RNF115: variants seen among roughly 807,000 people sequenced by gnomAD.
The protein encoded by RNF115 is ring finger protein 115.
Under a neutral mutation model 39.2 loss-of-function variants are expected in RNF115, and 31 were observed. The observed-to-expected ratio is 0.79, with a 90% confidence interval of 0.59 to 1.07. RNF115 has a LOEUF of 1.07. RNF115 is among the 50% of genes least tolerant of loss of function. The pLI is 0.00. For missense variants in RNF115, 384 were observed against 381.7 expected, an observed-to-expected ratio of 1.01 and a Z score of -0.05; for synonymous variants, 124 against 131.0, an observed-to-expected ratio of 0.95 and a Z score of 0.37.
rs138792544 is a variant in RNF115, at chr1:145,801,539, A to G, written c.103-12573T>C. Among the ~76,000 whole-genome samples, 75 of 152,304 alleles carry G rather than the reference A, an allele frequency of 4.9e-4. No individual in the cohort carries two copies. The Middle Eastern group carries it at 0.014, about 28-fold the overall frequency. ...AAAGAGTGAGACTCCATGTCAAAAA[A>G]AAAGAAAGAAAGAAAGAAAATAACT... is the stretch of plus-strand genomic sequence containing the variant. On this transcript the variant is annotated intron_variant, in intron 1 of 8. Transcript: ENST00000582693.
intron 3 of RNF115, among the ~76,000 whole-genome samples, chr1:145,779,405 G>A (rs777278998): frequency 3.9e-5 from 6 of 151,998 alleles, no homozygotes; most frequent in Admixed American, 2.6e-4. Context: ...GAACTCCTGG[G>A]CTCAAACAAT....
At position 145,767,355 on chromosome 1, in the gene RNF115, C is replaced by T. The variant is rs1385320761; in HGVS notation, c.428+4356G>A. Among the ~76,000 whole-genome samples, 15 of 149,920 alleles carry T rather than the reference C, an allele frequency of 1.0e-4. No homozygotes were observed. The South Asian group carries it at 2.6e-3, about 26-fold the overall frequency. ...CTCAGACGGGGCGGCCGGGCAGAGA[C>T]GCTCCTCACATCCCAGACGGGGTGG... On this transcript the variant is annotated intron_variant, in intron 4 of 8. Transcript: ENST00000582693.
rs587607275 is a variant in RNF115 at position 145,774,809 on chromosome 1, ACTTT to A, written c.220-2894_220-2891del. Reference sequence around the variant, plus strand: ...TTTTGTCCATTTTCCTATTGAACTGACTTTCTAATTGCCTTAGTATCTTTTTTTT... The same window carrying A: ...TTTTGTCCATTTTCCTATTGAACTGACTAATTGCCTTAGTATCTTTTTTTT... On this transcript the variant is annotated intron_variant, in intron 3 of 8. Coordinates refer to ENST00000582693, the MANE Select transcript of RNF115 (RefSeq NM_014455.4). 5.5e-3 allele frequency among the ~76,000 whole-genome samples: 835 copies of A among 151,996 alleles called. 5 individuals carry two copies. Among genetic ancestry groups the A allele is most frequent in the Non-Finnish European group, 6.8e-3 (461 of 67,946 alleles).
intron 4 of RNF115, among the ~76,000 whole-genome samples, chr1:145,767,373 C>T (rs1220540424): frequency 5.5e-5 from 8 of 145,462 alleles, no homozygotes; most frequent in Admixed American, 2.0e-4. Flanking sequence ...ACATCCCAGA[C>T]GGGGTGGCAG....
chr1:145,815,181 GC>G (rs1327399849), intron 1 of RNF115, among the ~76,000 whole-genome samples: 3 of 152,302 alleles, frequency 2.0e-5, no homozygotes, highest in Non-Finnish European at 2.9e-5. Context: ...AATGATGAAT[GC>G]CTTCTCTAGC....
intron 4 of RNF115, among the ~76,000 whole-genome samples, chr1:145,769,647 C>T (rs782118107): frequency 9.9e-5 from 15 of 151,260 alleles, no homozygotes; most frequent in Non-Finnish European, 1.9e-4. Context: ...TAAACTATTT[C>T]CAAGCATAAG....
chr1:145,800,873 T>A (rs1571771535), intron 1 of RNF115, among the ~76,000 whole-genome samples: 1 of 152,270 alleles, frequency 6.6e-6, no homozygotes, highest in East Asian at 1.9e-4. Flanking sequence ...GCCCAAGGGA[T>A]GAAAAGGAGC....
At chr1:145,769,703 C>T (rs1647546271) in intron 4 of RNF115, among the ~76,000 whole-genome samples, 1 of 148,612 alleles carries the variant, frequency 6.7e-6, no homozygotes, top group African/African-American at 2.5e-5. Context: ...TAATATAATC[C>T]TGACACCAAA....
chr1:145,782,228 C>T (rs1450881986), intron 3 of RNF115, among the ~76,000 whole-genome samples: 2 of 152,192 alleles, frequency 1.3e-5, no homozygotes, highest in African/African-American at 2.4e-5. Context: ...TAAGTGTTTG[C>T]ACTTGCTCCA....
At position 145,776,090 on chromosome 1, in the gene RNF115, A is replaced by AGGGG. The variant is rs11374256; in HGVS notation, c.220-4175_220-4172dup. Reference sequence around the variant, plus strand: ...TCAGGCCATGGTTGACCACAGGGTAAGGGGGGGGCTACTGTACCAATTCAG... The same window carrying AGGGG: ...TCAGGCCATGGTTGACCACAGGGTAAGGGGGGGGGGGGCTACTGTACCAATTCAG... On this transcript the variant is annotated intron_variant, in intron 3 of 8. Transcript: ENST00000582693. 3.4e-5 allele frequency among the ~76,000 whole-genome samples: 5 copies of AGGGG among 147,358 alleles called. No individual in the cohort carries two copies. In the East Asian group the frequency reaches 8.2e-4, roughly 24 times the overall value.
At chr1:145,809,418 T>C (rs1397624532) in intron 1 of RNF115, among the ~76,000 whole-genome samples, 3 of 149,408 alleles carry the variant, frequency 2.0e-5, no homozygotes, top group Non-Finnish European at 4.4e-5. Flanking sequence ...CGACCTCAGG[T>C]GATCTGCCCG....
At chr1:145,812,785 T>C (rs1249885099) in intron 1 of RNF115, among the ~76,000 whole-genome samples, 10 of 151,994 alleles carry the variant, frequency 6.6e-5, no homozygotes, top group African/African-American at 2.2e-4. Context: ...CACTTCTATC[T>C]TTTTTTAATT....
At chr1:145,814,940 AT>A (rs1649915320) in intron 1 of RNF115, among the ~76,000 whole-genome samples, 1 of 119,948 alleles carries the variant, frequency 8.3e-6, no homozygotes, top group African/African-American at 3.0e-5. Context: ...TTTAAATATA[AT>A]TACTGGGTGT....
chr1:145,765,543 A>G (rs974941722), intron 4 of RNF115, among the ~76,000 whole-genome samples: 3 of 152,226 alleles, frequency 2.0e-5, no homozygotes, highest in Non-Finnish European at 2.9e-5. Context: ...TATATGTACT[A>G]AACAACCATC....
At chr1:145,772,355 T>C (rs1487039331) in intron 3 of RNF115, 2 of 166,118 alleles carry the variant, frequency 1.2e-5, no homozygotes, top group Non-Finnish European at 2.6e-5. Context: ...AAAGAAAATT[T>C]AATAGATCTG....
intron 4 of RNF115, 129 bp downstream of exon 4, chr1:145,771,582 T>G: frequency 1.4e-6 from 1 of 711,428 alleles, no homozygotes; most frequent in Non-Finnish European, 2.3e-6. Context: ...AGCTTCACTT[T>G]CATCCTTTCT....
At chr1:145,804,242 G>A (rs1553721288) in intron 1 of RNF115, among the ~76,000 whole-genome samples, 1 of 152,126 alleles carries the variant, frequency 6.6e-6, no homozygotes, top group East Asian at 1.9e-4. Context: ...CACCTACAAA[G>A]TATATGCTCT....
At chr1:145,773,213 G>T (rs1323384697) in intron 3 of RNF115, 8 of 151,910 alleles carry the variant, frequency 5.3e-5, no homozygotes, top group African/African-American at 1.7e-4. Flanking sequence ...GCTTCCTCGG[G>T]GTAGTTTCTG....
intron 1 of RNF115, among the ~76,000 whole-genome samples, chr1:145,805,387 A>G (rs1223503594): frequency 6.6e-6 from 1 of 152,168 alleles, no homozygotes; most frequent in Non-Finnish European, 1.5e-5. Context: ...GAATATTTAT[A>G]AAATAGTTCT....
Sources: gnomAD v4.1 joint callset for allele counts (sites outside exome capture counted in the v4.1 genomes callset) on GRCh38, gnomAD v4.1.1 for gene constraint, MANE v1.5 for transcripts, NCBI Gene and HGNC (gene_info 2026-07-23, HGNC 2026-07-21) for gene names.